Variants in FAM72A observed in about 807,000 individuals in gnomAD.
FAM72A encodes the protein regulator of UNG2 and MKLN1 interacting yippee protein 1.
A neutral mutation model predicts 11.3 loss-of-function variants in FAM72A; 1 was observed. That is an observed-to-expected ratio of 0.09 (90% confidence interval 0.03 to 0.42). FAM72A has a LOEUF of 0.42. Among genes scored for constraint, FAM72A ranks in the 10% least tolerant of loss-of-function variants. FAM72A has a pLI of 0.98. For missense variants in FAM72A, 15 were observed against 135.5 expected, an observed-to-expected ratio of 0.11 and a Z score of 4.41; for synonymous variants, 5 against 46.9, an observed-to-expected ratio of 0.11 and a Z score of 3.65.
rs1412051186 is a variant in FAM72A, at chr1:206,191,663, A to C, written c.355+4089T>G. On this transcript the variant is annotated intron_variant, in intron 3 of 3. Transcript: ENST00000367128. ...TTCAGTGCCTCAGCACCTTAACACAAGGAAAAAGAAATTTTTTTTTTTTTA... is the reference window on the plus strand; with the variant it reads ...TTCAGTGCCTCAGCACCTTAACACACGGAAAAAGAAATTTTTTTTTTTTTA... 5.6e-5 allele frequency among the ~76,000 whole-genome samples: 8 copies of C among 142,782 alleles called. No individual in the cohort carries two copies. The East Asian group carries it at 1.2e-3, about 21-fold the overall frequency. 93.7% of individuals were successfully genotyped at this position (142,782 alleles called of 152,430 possible). A position where few individuals can be genotyped will look rare whatever the true frequency, so the allele number is the denominator to read the frequency against.
chr1:206,187,895 CT>C (rs1405316092), intron 3 of FAM72A, among the ~76,000 whole-genome samples: 2 of 119,728 alleles, frequency 1.7e-5, no homozygotes, highest in African/African-American at 6.5e-5. Flanking sequence ...CATAAACATT[CT>C]TTAAATCCTT....
Position 206,187,119 on chromosome 1 carries a change from A to C in FAM72A, c.*160T>G. On this transcript the variant is annotated 3_prime_UTR_variant, in exon 4 of 4. Transcript: ENST00000367128. ...AGCACAACTTCACTGGCTTCAATCA[A>C]ACTGAGGTAACTAATTAGAGACGGA... is the stretch of plus-strand genomic sequence containing the variant. 2.9e-6 allele frequency: 3 copies of C among 1,051,352 alleles called. No homozygotes were observed. Among genetic ancestry groups the C allele is most frequent in the Non-Finnish European group, 4.0e-6 (3 of 756,068 alleles). The allele number at this position is 1,051,352 out of a possible 1,614,324, so 65.1% of individuals were successfully genotyped here.
At chr1:206,198,392 A>G (rs1309524487) in intron 2 of FAM72A, among the ~76,000 whole-genome samples, 1 of 150,922 alleles carries the variant, frequency 6.6e-6, no homozygotes, top group Non-Finnish European at 1.5e-5. Flanking sequence ...AGAAGAAAAT[A>G]ATGTCCAAAG....
chr1:206,191,724 A>ATTTTTT (rs1190560887), intron 3 of FAM72A, among the ~76,000 whole-genome samples: 8 of 103,680 alleles, frequency 7.7e-5, no homozygotes, highest in Non-Finnish European at 1.3e-4. Context: ...CTAAAATATT[A>ATTTTTT]TTTTTTTTTT....
intron 3 of FAM72A, among the ~76,000 whole-genome samples, chr1:206,190,741 C>T (rs1366913157): frequency 1.3e-5 from 2 of 150,148 alleles, no homozygotes; most frequent in Non-Finnish European, 3.0e-5. Context: ...GATGGTGGCA[C>T]ACACCTGTGG....
chr1:206,203,741 G>A (rs1427076939), upstream of FAM72A: 3 of 1,431,672 alleles, frequency 2.1e-6, no homozygotes, highest in African/African-American at 2.9e-5. Context: ...GGAAGGAGAG[G>A]GCGCGGATGC....
chr1:206,197,955 TCA>T (rs1665155104), intron 2 of FAM72A, among the ~76,000 whole-genome samples: 1 of 145,528 alleles, frequency 6.9e-6, no homozygotes, highest in Non-Finnish European at 1.5e-5. Flanking sequence ...GTGCGGTGGC[TCA>T]CACCTGTAAT....
intron 3 of FAM72A, among the ~76,000 whole-genome samples, chr1:206,192,017 A>T (rs1664833098): frequency 7.6e-6 from 1 of 132,286 alleles, no homozygotes; most frequent in Non-Finnish European, 1.6e-5. Context: ...GCTTTATATA[A>T]ATGGAAGGTT....
At chr1:206,191,342 C>A (rs1664780126) in intron 3 of FAM72A, among the ~76,000 whole-genome samples, 1 of 109,290 alleles carries the variant, frequency 9.1e-6, no homozygotes, top group South Asian at 3.6e-4. Context: ...GGCATGGTGA[C>A]TCACGTCTGT....
intron 3 of FAM72A, among the ~76,000 whole-genome samples, chr1:206,194,310 C>CA (rs1347611138): frequency 2.0e-5 from 3 of 152,192 alleles, no homozygotes; most frequent in Non-Finnish European, 2.9e-5. Context: ...TATGGATGAG[C>CA]AAAGAAAACG....
intron 3 of FAM72A, among the ~76,000 whole-genome samples, chr1:206,190,605 T>G (rs1664732156): frequency 7.9e-6 from 1 of 126,682 alleles, no homozygotes; most frequent in Non-Finnish European, 1.6e-5. Context: ...GCGAGGTGTC[T>G]CAGGCCTGTA....
chr1:206,197,158 T>C (rs1421033189), intron 2 of FAM72A, among the ~76,000 whole-genome samples: 1 of 152,134 alleles, frequency 6.6e-6, no homozygotes, highest in East Asian at 1.9e-4. Context: ...CATTCATCCA[T>C]TGATTCATCA....
chr1:206,186,834 G>A lies in FAM72A; in HGVS notation c.*445C>T, dbSNP rs1263516171. The A allele has an allele frequency of 7.4e-6, 1 of 135,674 alleles. No individual in the cohort carries two copies. Among genetic ancestry groups the A allele is most frequent in the Non-Finnish European group, 1.5e-5 (1 of 64,934 alleles). The allele number at this position is 135,674 out of a possible 1,614,324, so 8.4% of individuals were successfully genotyped here. A position where few individuals can be genotyped will look rare whatever the true frequency, so the allele number is the denominator to read the frequency against. ...GAACCTATGAGAACCAGTGCCCATGGAAACCTAACAGCTTGTTTTTTTAAT... is the reference window on the plus strand; with the variant it reads ...GAACCTATGAGAACCAGTGCCCATGAAAACCTAACAGCTTGTTTTTTTAAT... On this transcript the variant is annotated 3_prime_UTR_variant, in exon 4 of 4. Transcript: ENST00000367128.
At chr1:206,187,612 T>C (rs1478649573) in intron 3 of FAM72A, among the ~76,000 whole-genome samples, 15 of 151,580 alleles carry the variant, frequency 9.9e-5, no homozygotes, top group East Asian at 1.9e-4. Flanking sequence ...GAGTGCCTGG[T>C]AGGATCACGG....
intron 2 of FAM72A, among the ~76,000 whole-genome samples, chr1:206,196,863 C>G (rs1665089774): frequency 6.7e-6 from 1 of 149,178 alleles, no homozygotes; most frequent in African/African-American, 2.5e-5. Context: ...TTAGCTAGTA[C>G]TTTAAAAAAA....
At chr1:206,203,086 C>T (rs144401134), upstream of FAM72A, 1,791 of 162,848 alleles carry the variant, frequency 0.011, 38 homozygotes, top group African/African-American at 0.04. Context: ...CATTGGCCGG[C>T]TTCGGGAGGT....
chr1:206,194,247 A>C (rs1293564949), intron 3 of FAM72A, among the ~76,000 whole-genome samples: 1 of 152,250 alleles, frequency 6.6e-6, no homozygotes, highest in Non-Finnish European at 1.5e-5. Flanking sequence ...TGAAGACGTG[A>C]CTGCATTGCT....
intron 2 of FAM72A, among the ~76,000 whole-genome samples, chr1:206,198,169 G>A (rs1665168428): frequency 6.7e-6 from 1 of 149,816 alleles, no homozygotes; most frequent in African/African-American, 2.5e-5. Context: ...TTTGAGAGCA[G>A]CCTGGGCAAC....
intron 3 of FAM72A, among the ~76,000 whole-genome samples, chr1:206,193,044 G>A (rs1664876043): frequency 6.7e-6 from 1 of 150,130 alleles, no homozygotes; most frequent in Admixed American, 6.6e-5. Context: ...CTCCCAAGTA[G>A]CTGGGATTAT....
Sources: allele counts gnomAD v4.1 joint callset (sites outside exome capture counted in the v4.1 genomes callset), GRCh38; gene constraint gnomAD v4.1.1; transcripts MANE v1.5; gene names NCBI Gene and HGNC (gene_info 2026-07-23, HGNC 2026-07-21).